Variants in TBCK observed in about 807,000 individuals in gnomAD.
TBCK encodes TBC domain-containing protein kinase-like protein.
A neutral mutation model predicts 113.4 loss-of-function variants in TBCK; 99 were observed. The observed-to-expected ratio is 0.87, with a 90% CI of 0.74 to 1.03. The LOEUF is 1.03. Among genes scored for constraint, TBCK ranks in the 50% least tolerant of loss-of-function variants. The probability of loss-of-function intolerance (pLI) is 0.00; values close to 1 mark genes in which losing one functional copy is unlikely to be tolerated. For synonymous variants in TBCK, 369 were observed against 370.8 expected (o/e 1.00, Z 0.05); for missense variants, 1,045 against 1,061.3 (o/e 0.98, Z 0.21).
chr4:106,056,964 T>C (rs1284731731), intron 25 of TBCK, among the ~76,000 whole-genome samples: 1 of 151,878 alleles, frequency 6.6e-6, no homozygotes, highest in Non-Finnish European at 1.5e-5. Flanking sequence ...ATACATACAT[T>C]AACTTATATT....
At chr4:106,315,250 G>T (rs1768672186) in intron 1 of TBCK, among the ~76,000 whole-genome samples, 1 of 150,138 alleles carries the variant, frequency 6.7e-6, no homozygotes, top group South Asian at 2.3e-4. Flanking sequence ...TAAGTCAGTT[G>T]TTTTTCCAGC....
chr4:106,249,872 G>A (rs1049969540), intron 7 of TBCK, among the ~76,000 whole-genome samples: 1 of 151,994 alleles, frequency 6.6e-6, no homozygotes, highest in African/African-American at 2.4e-5. Flanking sequence ...TGCATAAAGT[G>A]TTCTATCACT....
chr4:106,274,724 G>C lies in TBCK; in HGVS notation c.267-12512C>G, dbSNP rs539363749. On this transcript the variant is annotated intron_variant, in intron 3 of 25. Coordinates refer to ENST00000394708, the MANE Select transcript of TBCK (RefSeq NM_001163435.3). ...TTTTTGGAGTGATGAAAATGTTCTA[G>C]AATTAGACAATGGTGATGGCTGTAC... Among the ~76,000 whole-genome samples, 46 of 152,256 alleles carry C rather than the reference G, an allele frequency of 3.0e-4. 1 individual carries two copies. Among genetic ancestry groups the C allele is most frequent in the Admixed American group, 2.7e-3 (41 of 15,296 alleles).
intron 23 of TBCK, among the ~76,000 whole-genome samples, chr4:106,170,319 T>A (rs1274070664): frequency 6.6e-6 from 1 of 152,136 alleles, no homozygotes; most frequent in African/African-American, 2.4e-5. Flanking sequence ...AAATATCTTA[T>A]AATCTTTCAT....
chr4:106,052,796 C>T (rs1179803343), intron 25 of TBCK, among the ~76,000 whole-genome samples: 1 of 151,498 alleles, frequency 6.6e-6, no homozygotes, highest in Non-Finnish European at 1.5e-5. Flanking sequence ...AAAGGTATAA[C>T]GAGCTGCTAG....
chr4:106,309,506 G>A (rs1187177843), intron 1 of TBCK, among the ~76,000 whole-genome samples: 1 of 151,810 alleles, frequency 6.6e-6, no homozygotes, highest in Non-Finnish European at 1.5e-5. Flanking sequence ...GTTTCACTAT[G>A]TTGGCCAGGC....
At chr4:106,089,073 A>G (rs1487643040) in intron 25 of TBCK, among the ~76,000 whole-genome samples, 1 of 151,902 alleles carries the variant, frequency 6.6e-6, no homozygotes, top group African/African-American at 2.4e-5. Context: ...AAGAGGTTTA[A>G]TTGGCTCATG....
chr4:106,281,508 A>G (rs1435581132), intron 3 of TBCK, among the ~76,000 whole-genome samples: 1 of 152,100 alleles, frequency 6.6e-6, no homozygotes, highest in Non-Finnish European at 1.5e-5. Context: ...TCTTAGTAAA[A>G]AGGCTTTCAG....
At chr4:106,154,172 A>T (rs1748856870) in intron 23 of TBCK, among the ~76,000 whole-genome samples, 1 of 150,064 alleles carries the variant, frequency 6.7e-6, no homozygotes, top group African/African-American at 2.5e-5. Context: ...AGTGAAGGGG[A>T]TTTTCTATTG....
chr4:106,167,936 A>C (rs1750578220), intron 23 of TBCK, among the ~76,000 whole-genome samples: 1 of 151,846 alleles, frequency 6.6e-6, no homozygotes, highest in Non-Finnish European at 1.5e-5. Flanking sequence ...TGAAGGAAGA[A>C]ATTATGCCAA....
At chr4:106,307,643 A>G (rs1201049180) in intron 2 of TBCK, among the ~76,000 whole-genome samples, 2 of 152,186 alleles carry the variant, frequency 1.3e-5, no homozygotes, top group African/African-American at 4.8e-5. Context: ...ATCACCAACT[A>G]CATAGGGTTT....
At chr4:106,170,781 T>C (rs1314853315) in intron 23 of TBCK, among the ~76,000 whole-genome samples, 1 of 152,046 alleles carries the variant, frequency 6.6e-6, no homozygotes, top group Non-Finnish European at 1.5e-5. Context: ...CTTTTTCTAT[T>C]TTTTTAATTC....
intron 3 of TBCK, among the ~76,000 whole-genome samples, chr4:106,270,334 A>G (rs887171701): frequency 6.6e-6 from 1 of 152,138 alleles, no homozygotes; most frequent in Admixed American, 6.6e-5. Flanking sequence ...CTGCCCCATC[A>G]ATGTTTTCTT....
intron 24 of TBCK, among the ~76,000 whole-genome samples, chr4:106,102,801 C>T (rs1394815522): frequency 6.6e-6 from 1 of 152,048 alleles, no homozygotes; most frequent in East Asian, 1.9e-4. Context: ...TTTGCTTCCT[C>T]TAGGGAAGGA....
At chr4:106,206,725 A>G (rs1755543486) in intron 20 of TBCK, among the ~76,000 whole-genome samples, 1 of 152,212 alleles carries the variant, frequency 6.6e-6, no homozygotes, top group African/African-American at 2.4e-5. Flanking sequence ...AGAACAAATG[A>G]AGGAACAAAT....
intron 24 of TBCK, 73 bp downstream of exon 24, chr4:106,116,130 C>A: frequency 2.1e-6 from 3 of 1,420,776 alleles, no homozygotes; most frequent in East Asian, 2.3e-5. Flanking sequence ...TTTTTAACCA[C>A]ACAACACTTA....
chr4:106,048,562 G>A (rs946963188), intron 25 of TBCK, among the ~76,000 whole-genome samples: 2 of 152,088 alleles, frequency 1.3e-5, no homozygotes, highest in Non-Finnish European at 2.9e-5. Flanking sequence ...TGAGTCATGT[G>A]CAGGCAGCAC....
intron 23 of TBCK, among the ~76,000 whole-genome samples, chr4:106,158,124 A>T (rs1405743118): frequency 6.6e-6 from 1 of 152,190 alleles, no homozygotes; most frequent in African/African-American, 2.4e-5. Context: ...ACCATGTTAG[A>T]AGTTTGAATT....
At chr4:106,214,889 G>C (rs2149904485) in intron 19 of TBCK, among the ~76,000 whole-genome samples, 1 of 152,096 alleles carries the variant, frequency 6.6e-6, no homozygotes, top group African/African-American at 2.4e-5. Flanking sequence ...TCCTTGAGAA[G>C]AGCAACTCCA....
Sources: allele counts gnomAD v4.1 joint callset (sites outside exome capture counted in the v4.1 genomes callset), GRCh38; gene constraint gnomAD v4.1.1; transcripts MANE v1.5; gene names NCBI Gene and HGNC (gene_info 2026-07-23, HGNC 2026-07-21).